The following MYRIP variants were observed in gnomAD, a reference collection of about 807,000 sequenced individuals.
MYRIP encodes rab effector MyRIP.
In MYRIP, 49 loss-of-function variants were observed where a neutral mutation model predicts 98.0. The observed-to-expected ratio is 0.50, with a 90% CI of 0.40 to 0.63. The LOEUF is 0.63. MYRIP is among the 30% of genes least tolerant of loss of function. The pLI is 0.00. For missense variants in MYRIP, 1,004 were observed against 1,058.2 expected (o/e 0.95, Z 0.71); for synonymous variants, 404 against 409.5 (o/e 0.99, Z 0.16).
chr3:39,996,760 C>A (rs1946369490), intron 2 of MYRIP, among the ~76,000 whole-genome samples: 1 of 152,078 alleles, frequency 6.6e-6, no homozygotes, highest in Non-Finnish European at 1.5e-5. Flanking sequence ...ACACCTATTC[C>A]AAAATTGACC....
intron 3 of MYRIP, among the ~76,000 whole-genome samples, chr3:40,108,174 TGAGAGAGAGAGAGAGAGAGA>T (rs72224557): frequency 3.3e-4 from 46 of 138,308 alleles, no homozygotes; most frequent in Non-Finnish European, 6.1e-4. Context: ...GCAGTGTTTG[TGAGAGAGAGAGAGAGAGAGA>T]GAGAGAGAGA....
At chr3:39,819,242 G>A (rs1941028507) in intron 1 of MYRIP, among the ~76,000 whole-genome samples, 1 of 152,084 alleles carries the variant, frequency 6.6e-6, no homozygotes. Context: ...CAGCTACTTA[G>A]GAGCCTGAGG....
intron 1 of MYRIP, among the ~76,000 whole-genome samples, chr3:39,829,959 C>T (rs538544100): frequency 1.3e-5 from 2 of 152,328 alleles, no homozygotes; most frequent in South Asian, 4.1e-4. Context: ...GGCCCTGCCA[C>T]TCACTTCCAC....
chr3:40,078,904 G>A (rs1219431301), intron 3 of MYRIP, among the ~76,000 whole-genome samples: 1 of 152,152 alleles, frequency 6.6e-6, no homozygotes, highest in Non-Finnish European at 1.5e-5. Context: ...GAGTTCTTTT[G>A]GAAAGTGGAA....
intron 11 of MYRIP, among the ~76,000 whole-genome samples, chr3:40,217,391 G>T (rs1409335507): frequency 6.6e-6 from 1 of 152,092 alleles, no homozygotes; most frequent in Non-Finnish European, 1.5e-5. Flanking sequence ...AGCCAGACAG[G>T]ATGTAGTCTA....
At chr3:40,108,174 TGAGAGAGA>T (rs72224557) in intron 3 of MYRIP, among the ~76,000 whole-genome samples, 11,964 of 138,242 alleles carry the variant, frequency 0.087, 1,125 homozygotes, top group African/African-American at 0.23. Flanking sequence ...GCAGTGTTTG[TGAGAGAGA>T]GAGAGAGAGA....
chr3:39,988,278 T>C (rs1346519407), intron 2 of MYRIP, among the ~76,000 whole-genome samples: 1 of 151,844 alleles, frequency 6.6e-6, no homozygotes, highest in Non-Finnish European at 1.5e-5. Flanking sequence ...ACCTGCACAT[T>C]GTGCACATGT....
rs116336598 is a variant in MYRIP, at chr3:40,249,310, G to A, written c.2263-912G>A. The stretch of plus-strand genomic sequence containing the variant: ...CTAGCCTTTCCCTGCCTTTTCCAGC[G>A]TCCCCCATACCGGGTGTTGGCACAT... On this transcript the variant is annotated intron_variant, in intron 13 of 16. Transcript: ENST00000302541. Among the ~76,000 whole-genome samples the A allele has an allele frequency of 2.0e-3, 310 of 152,126 alleles. 1 individual carries two copies. Among genetic ancestry groups the A allele is most frequent in the African/African-American group, 7.1e-3 (293 of 41,488 alleles).
intron 2 of MYRIP, among the ~76,000 whole-genome samples, chr3:40,008,978 C>T (rs1946695537): frequency 6.6e-6 from 1 of 152,160 alleles, no homozygotes; most frequent in Admixed American, 6.5e-5. Flanking sequence ...CTCCTGCCTG[C>T]CCTTGCTCCA....
rs749984611 is a variant in MYRIP, at chr3:39,917,471, AT to A, written c.110+16547del. ...TTAAAAAAAATAAAAAAATAGGAAA[AT>A]TAAAAAAAAAAAAGCTGTTGAAACT... On this transcript the variant is annotated intron_variant, in intron 2 of 16. Coordinates refer to ENST00000302541, the MANE Select transcript of MYRIP (RefSeq NM_015460.4). 1.3e-3 allele frequency among the ~76,000 whole-genome samples: 145 copies of A among 110,612 alleles called. 1 individual carries two copies. The South Asian group carries it at 0.042, about 32-fold the overall frequency. 72.6% of individuals were successfully genotyped at this position (110,612 alleles called of 152,430 possible).
chr3:40,087,943 T>TC (rs1363053457), intron 3 of MYRIP, among the ~76,000 whole-genome samples: 19 of 151,964 alleles, frequency 1.3e-4, no homozygotes, highest in Non-Finnish European at 2.5e-4. Context: ...TTGTCTTGTG[T>TC]TTGTAAGTGG....
At chr3:40,224,211 A>G (rs1952426246) in intron 11 of MYRIP, among the ~76,000 whole-genome samples, 1 of 152,124 alleles carries the variant, frequency 6.6e-6, no homozygotes, top group Non-Finnish European at 1.5e-5. Flanking sequence ...GTTGAAGTGG[A>G]CAAGTGACAA....
intron 8 of MYRIP, 57 bp from the exon 9 acceptor site, chr3:40,182,163 C>T: frequency 2.0e-6 from 3 of 1,480,904 alleles, no homozygotes; most frequent in South Asian, 2.8e-5. Flanking sequence ...GGTGAAGGCA[C>T]ACCTCCCAGG....
intron 8 of MYRIP, among the ~76,000 whole-genome samples, chr3:40,178,155 A>G (rs954370115): frequency 1.3e-5 from 2 of 152,162 alleles, no homozygotes; most frequent in African/African-American, 4.8e-5. Context: ...GAGAGCAAAG[A>G]CTGTTTTAAA....
chr3:40,159,873 A>T (rs1039339443), intron 4 of MYRIP, among the ~76,000 whole-genome samples: 11 of 152,024 alleles, frequency 7.2e-5, no homozygotes, highest in African/African-American at 2.7e-4. Context: ...TCTCTGTGTT[A>T]GTTATTCTAG....
At chr3:40,026,633 G>T (rs1007655397) in intron 2 of MYRIP, among the ~76,000 whole-genome samples, 2 of 152,046 alleles carry the variant, frequency 1.3e-5, no homozygotes, top group Admixed American at 6.6e-5. Context: ...TCCATTCAGG[G>T]TCCCCAACTT....
intron 3 of MYRIP, among the ~76,000 whole-genome samples, chr3:40,103,201 G>A (rs1948982725): frequency 6.6e-6 from 1 of 152,068 alleles, no homozygotes; most frequent in Non-Finnish European, 1.5e-5. Context: ...TAGTATACAT[G>A]CTTTTCACAG....
chr3:39,871,085 C>T (rs984849520), intron 1 of MYRIP, among the ~76,000 whole-genome samples: 1 of 152,196 alleles, frequency 6.6e-6, no homozygotes, highest in Non-Finnish European at 1.5e-5. Flanking sequence ...CCTCTGGGAC[C>T]TTTCATTTCT....
At chr3:40,048,988 C>T (rs1218104395) in intron 3 of MYRIP, among the ~76,000 whole-genome samples, 1 of 152,058 alleles carries the variant, frequency 6.6e-6, no homozygotes. Flanking sequence ...ACATATAGTA[C>T]TTGTATTTAA....
Sources: gnomAD v4.1 joint callset for allele counts (sites outside exome capture counted in the v4.1 genomes callset) on GRCh38, gnomAD v4.1.1 for gene constraint, MANE v1.5 for transcripts, NCBI Gene and HGNC (gene_info 2026-07-23, HGNC 2026-07-21) for gene names.